The following TBCEL variants were observed in gnomAD, a reference collection of about 807,000 sequenced individuals.
The protein encoded by TBCEL is tubulin folding cofactor E like.
A neutral mutation model predicts 44.2 loss-of-function variants in TBCEL; 15 were observed. The observed-to-expected ratio is 0.34, with a 90% CI of 0.23 to 0.52. The LOEUF is 0.52. Among genes scored for constraint, TBCEL ranks in the 20% least tolerant of loss-of-function variants. TBCEL has a pLI of 0.95. For synonymous variants in TBCEL, 171 were observed against 185.4 expected (o/e 0.92, Z 0.63); for missense variants, 319 against 506.3 (o/e 0.63, Z 3.55).
intron 8 of TBCEL, among the ~76,000 whole-genome samples, chr11:121,068,903 C>A (rs1347384667): frequency 2.0e-5 from 3 of 147,456 alleles, no homozygotes; most frequent in African/African-American, 7.5e-5. Flanking sequence ...AAAAAAAAAA[C>A]AGACAAAAAA....
At chr11:121,036,778 G>A (rs1349578729) in intron 2 of TBCEL, among the ~76,000 whole-genome samples, 166 bp downstream of exon 2, 1 of 152,160 alleles carries the variant, frequency 6.6e-6, no homozygotes, top group African/African-American at 2.4e-5. Flanking sequence ...CTAATGTGCA[G>A]TTATTGATGA....
chr11:121,053,619 G>T lies in TBCEL; in HGVS notation c.342G>T (p.Leu114Phe). ...FLNLSSNPLN[L>F]SVLERTCAGS... is the part of the protein sequence containing the mutation. ...ACCTGAGTTCCAACCCTCTGAATTT[G>T]TCGGTTTTAGAAAGAACATGTGCTG... Residue 114 changes from leucine (L) to phenylalanine (F), a missense_variant, in exon 5 of 9, where the codon TTG becomes TTT. By Grantham distance (22) the Leu-to-Phe change is conservative. Transcript: ENST00000683345. 1 of 1,612,294 alleles carries T rather than the reference G, an allele frequency of 6.2e-7. No individual in the cohort carries two copies. Among genetic ancestry groups the T allele is most frequent in the Non-Finnish European group, 8.5e-7 (1 of 1,178,964 alleles).
chr11:121,052,283 TG>T (rs1183617017), intron 4 of TBCEL, among the ~76,000 whole-genome samples: 1 of 151,742 alleles, frequency 6.6e-6, no homozygotes, highest in Non-Finnish European at 1.5e-5. Flanking sequence ...ACATGCTAGT[TG>T]GGGGTACGTA....
rs1209077307 is a variant in TBCEL at position 121,055,390 on chromosome 11, A to C, written c.712+82A>C. 17 of 1,366,222 alleles carry C rather than the reference A, an allele frequency of 1.2e-5. No individual in the cohort carries two copies. In the East Asian group the frequency reaches 3.9e-4, roughly 31 times the overall value. 84.6% of individuals were successfully genotyped at this position (1,366,222 alleles called of 1,614,324 possible). A position where few individuals can be genotyped will look rare whatever the true frequency, so the allele number is the denominator to read the frequency against. ...AATACAATGAAAGTATATTTCTTTC[A>C]GTCACAGTTTTACCTTTTTTAGAGT... On this transcript the variant is annotated intron_variant, in intron 6 of 8. Coordinates refer to ENST00000683345, the MANE Select transcript of TBCEL (RefSeq NM_001363644.2).
chr11:121,075,769 T>C (rs1946022053), intron 8 of TBCEL, among the ~76,000 whole-genome samples: 1 of 151,960 alleles, frequency 6.6e-6, no homozygotes, highest in African/African-American at 2.4e-5. Context: ...AATGCATCAT[T>C]AGGCGATTTT....
intron 8 of TBCEL, among the ~76,000 whole-genome samples, chr11:121,062,045 G>A (rs1001344336): frequency 1.3e-5 from 2 of 151,710 alleles, no homozygotes; most frequent in African/African-American, 4.8e-5. Flanking sequence ...TATTCTATAA[G>A]CATTATTTTT....
chr11:121,060,101 T>A lies in TBCEL; in HGVS notation c.956+16T>A. 1 of 1,580,812 alleles carries A rather than the reference T, an allele frequency of 6.3e-7. No individual in the cohort carries two copies. Among genetic ancestry groups the A allele is most frequent in the Non-Finnish European group, 8.7e-7 (1 of 1,151,056 alleles). Reference sequence around the variant, plus strand: ...TGCCATTCAGGTAAAAAATTCCCCATTGGCCAAACACTTTAGAGGGTGGTG... The same window carrying A: ...TGCCATTCAGGTAAAAAATTCCCCAATGGCCAAACACTTTAGAGGGTGGTG... On this transcript the variant is annotated intron_variant, in intron 8 of 8. Coordinates refer to ENST00000683345, the MANE Select transcript of TBCEL (RefSeq NM_001363644.2).
rs78944388 is a variant in TBCEL at position 121,053,713 on chromosome 11, A to T, written c.436A>T (p.Ile146Leu). ...AGCTTCTTGGGAGACGGTCCACATGATACTACAGGAGTTACCAGAGTAAGC... is the reference window on the plus strand; with the variant it reads ...AGCTTCTTGGGAGACGGTCCACATGTTACTACAGGAGTTACCAGAGTAAGC... ...SKASWETVHM[I>L]LQELPDLEEL... Residue 146 changes from isoleucine to leucine, a missense_variant, in exon 5 of 9, where the codon ATA (isoleucine) becomes TTA (leucine). Transcript: ENST00000683345. 523 of 1,611,914 alleles carry T rather than the reference A, an allele frequency of 3.2e-4. 1 individual carries two copies. In the African/African-American group the frequency reaches 5.0e-3, roughly 15 times the overall value.
chr11:121,044,225 C>G (rs1407537244), intron 2 of TBCEL, among the ~76,000 whole-genome samples: 1 of 152,102 alleles, frequency 6.6e-6, no homozygotes, highest in Admixed American at 6.6e-5. Context: ...CTTCTCCCAG[C>G]CTTCAGTCTT....
intron 1 of TBCEL, chr11:121,035,680 G>A (rs952938595): frequency 6.6e-6 from 1 of 152,050 alleles, no homozygotes; most frequent in Non-Finnish European, 1.5e-5. Context: ...GATAATGGGG[G>A]TAATCTGTTC....
intron 4 of TBCEL, among the ~76,000 whole-genome samples, chr11:121,050,041 A>G (rs370834541): frequency 6.7e-4 from 102 of 151,692 alleles, no homozygotes; most frequent in African/African-American, 2.4e-3. Flanking sequence ...TTTCTAATTT[A>G]TTTTTGTTTT....
intron 1 of TBCEL, among the ~76,000 whole-genome samples, chr11:121,026,813 A>T (rs1945054562): frequency 6.6e-6 from 1 of 152,208 alleles, no homozygotes; most frequent in Non-Finnish European, 1.5e-5. Flanking sequence ...TGCCTGGAAC[A>T]TTAAGGAAGA....
rs1945692322 is a variant in TBCEL, at chr11:121,060,074, A to G, written c.945A>G (p.Glu315=). The G allele has an allele frequency of 1.2e-6, 2 of 1,610,292 alleles. No homozygotes were observed. Among genetic ancestry groups the G allele is most frequent in the Non-Finnish European group, 1.7e-6 (2 of 1,177,438 alleles). ...ACTATGTGGATGTTCCACAGGAAGA[A>G]GTGCCATTCAGGTAAAAAATTCCCC... ...IRYYVDVPQE[E]VPFRYHELIT... The change falls in exon 8 of 9, where the codon GAA becomes GAG. Residue 315 remains glutamate (E), a synonymous_variant. Transcript: ENST00000683345.
chr11:121,067,761 T>A (rs1330114775), intron 8 of TBCEL, among the ~76,000 whole-genome samples: 1 of 152,216 alleles, frequency 6.6e-6, no homozygotes, highest in Non-Finnish European at 1.5e-5. Context: ...TGGTCATATT[T>A]CAGTTATTAG....
chr11:121,071,393 A>AT (rs1945929184), intron 8 of TBCEL, among the ~76,000 whole-genome samples: 1 of 152,166 alleles, frequency 6.6e-6, no homozygotes, highest in Admixed American at 6.6e-5. Context: ...AAATGCATTG[A>AT]TTTAGGGTGC....
At chr11:121,039,742 A>G (rs1187744067) in intron 2 of TBCEL, among the ~76,000 whole-genome samples, 1 of 152,238 alleles carries the variant, frequency 6.6e-6, no homozygotes, top group Non-Finnish European at 1.5e-5. Flanking sequence ...CCAAGTGGAT[A>G]GCAAATCACT....
intron 8 of TBCEL, among the ~76,000 whole-genome samples, chr11:121,066,238 T>A (rs1295876420): frequency 6.6e-6 from 1 of 152,216 alleles, no homozygotes; most frequent in Non-Finnish European, 1.5e-5. Flanking sequence ...AAGCCGTGCT[T>A]TGACTTCTTT....
intron 8 of TBCEL, among the ~76,000 whole-genome samples, chr11:121,082,462 A>G (rs917362453): frequency 6.6e-6 from 1 of 152,224 alleles, no homozygotes; most frequent in African/African-American, 2.4e-5. Context: ...TTGAAGGCTC[A>G]TATGATTAGA....
chr11:121,059,221 C>T (rs1227363174), intron 7 of TBCEL, among the ~76,000 whole-genome samples: 2 of 151,946 alleles, frequency 1.3e-5, no homozygotes, highest in Non-Finnish European at 2.9e-5. Context: ...TTATGCTTTG[C>T]AGTTGTTAAC....
Sources: allele counts gnomAD v4.1 joint callset (sites outside exome capture counted in the v4.1 genomes callset), GRCh38; gene constraint gnomAD v4.1.1; transcripts MANE v1.5; gene names NCBI Gene and HGNC (gene_info 2026-07-23, HGNC 2026-07-21).